The following ERG variants were observed in gnomAD, a reference collection of about 807,000 sequenced individuals.
The protein encoded by ERG is ETS transcription factor ERG, also known as transcriptional regulator ERG.
A neutral mutation model predicts 55.3 loss-of-function variants in ERG; 9 were observed. That is an observed-to-expected ratio of 0.16 (90% CI 0.10 to 0.28). ERG has a LOEUF of 0.28. Ranked by LOEUF, ERG falls within the 10% of genes least tolerant of loss-of-function variation. The pLI, the probability that ERG is intolerant of heterozygous loss-of-function variation, is 1.00. For missense variants in ERG, 434 were observed against 631.6 expected (o/e 0.69, Z 3.35); for synonymous variants, 223 against 237.3 (o/e 0.94, Z 0.55).
intron 1 of ERG, among the ~76,000 whole-genome samples, chr21:38,657,615 C>G (rs1212302562): frequency 1.3e-5 from 2 of 152,030 alleles, no homozygotes; most frequent in Non-Finnish European, 2.9e-5. Flanking sequence ...TTAACTTTAA[C>G]TTTTAACTTT....
intron 9 of ERG, among the ~76,000 whole-genome samples, chr21:38,388,046 C>G (rs1307192088): frequency 1.3e-5 from 2 of 152,212 alleles, no homozygotes; most frequent in Admixed American, 1.3e-4. Flanking sequence ...CTGGGGGACT[C>G]CCACTGGAAG....
intron 1 of ERG, chr21:38,660,778 C>T (rs1287786551): frequency 6.6e-6 from 1 of 151,640 alleles, no homozygotes; most frequent in Non-Finnish European, 1.5e-5. Flanking sequence ...GGGGGCGGGG[C>T]AGGGACGCGT....
chr21:38,518,362 A>G (rs182391415), intron 2 of ERG, among the ~76,000 whole-genome samples: 6 of 152,242 alleles, frequency 3.9e-5, no homozygotes, highest in Admixed American at 3.9e-4. Context: ...TCTACTAAAC[A>G]TTTTTATAAA....
intron 2 of ERG, among the ~76,000 whole-genome samples, chr21:38,540,045 C>T (rs1298675236): frequency 1.3e-5 from 2 of 151,866 alleles, no homozygotes; most frequent in African/African-American, 4.8e-5. Context: ...TACAGGCACA[C>T]ACCACCACGC....
chr21:38,455,811 G>A (rs921411878), intron 1 of ERG, among the ~76,000 whole-genome samples: 2 of 151,826 alleles, frequency 1.3e-5, no homozygotes, highest in African/African-American at 2.4e-5. Flanking sequence ...CCCATAAGAC[G>A]GGGGTGAGGG....
intron 1 of ERG, among the ~76,000 whole-genome samples, chr21:38,635,937 AC>A (rs1280128816): frequency 6.6e-6 from 1 of 152,160 alleles, no homozygotes; most frequent in African/African-American, 2.4e-5. Flanking sequence ...ATTTTCCCAT[AC>A]AAGATGATAT....
At chr21:38,652,695 A>G (rs2060495290) in intron 1 of ERG, among the ~76,000 whole-genome samples, 2 of 152,172 alleles carry the variant, frequency 1.3e-5, no homozygotes, top group South Asian at 4.1e-4. Flanking sequence ...AGAAAGAAGG[A>G]CCTGTGTGAT....
At chr21:38,549,267 T>C (rs1042054186) in intron 2 of ERG, among the ~76,000 whole-genome samples, 43 of 152,172 alleles carry the variant, frequency 2.8e-4, no homozygotes, top group Non-Finnish European at 1.2e-4. Flanking sequence ...TAAATCATCA[T>C]ACTAAAGGCA....
intron 1 of ERG, among the ~76,000 whole-genome samples, chr21:38,602,457 A>G (rs1402174541): frequency 6.6e-6 from 1 of 152,006 alleles, no homozygotes; most frequent in Non-Finnish European, 1.5e-5. Flanking sequence ...AAATAAATAA[A>G]TACATAAATA....
At chr21:38,441,282 T>C (rs2058838762) in intron 2 of ERG, among the ~76,000 whole-genome samples, 2 of 152,220 alleles carry the variant, frequency 1.3e-5, no homozygotes, top group Non-Finnish European at 2.9e-5. Context: ...TAACTGAGGT[T>C]GTACTGGGAA....
chr21:38,514,628 AG>A (rs531908677), intron 2 of ERG, among the ~76,000 whole-genome samples: 210 of 152,122 alleles, frequency 1.4e-3, no homozygotes, highest in Non-Finnish European at 2.4e-3. Context: ...CGAAACCTAC[AG>A]TAAACCACAC....
At chr21:38,402,426 C>A (rs2836372) in intron 5 of ERG, 131 bp downstream of exon 5, 2 of 669,316 alleles carry the variant, frequency 3.0e-6, no homozygotes, top group African/African-American at 1.9e-5. Flanking sequence ...CCTAAGTATC[C>A]GAAAGTATTC....
intron 9 of ERG, among the ~76,000 whole-genome samples, chr21:38,388,838 C>T (rs540966040): frequency 5.9e-5 from 9 of 152,292 alleles, no homozygotes; most frequent in South Asian, 2.1e-4. Flanking sequence ...AGGGCATCCC[C>T]GGGCTGCTGG....
chr21:38,487,369 G>A (rs2059296266), intron 1 of ERG, among the ~76,000 whole-genome samples: 1 of 151,628 alleles, frequency 6.6e-6, no homozygotes, highest in Non-Finnish European at 1.5e-5. Flanking sequence ...TTTCAAATGG[G>A]GAAAAAGAAC....
chr21:38,570,163 G>T (rs62217462), intron 2 of ERG, among the ~76,000 whole-genome samples: 1 of 152,056 alleles, frequency 6.6e-6, no homozygotes, highest in African/African-American at 2.4e-5. Flanking sequence ...TCATGCTCCT[G>T]CCAGCATGGA....
chr21:38,495,929 A>G (rs2059375588), intron 1 of ERG, among the ~76,000 whole-genome samples: 1 of 152,214 alleles, frequency 6.6e-6, no homozygotes, highest in Admixed American at 6.5e-5. Flanking sequence ...GGGAAGCACC[A>G]AAACCAATCA....
intron 2 of ERG, among the ~76,000 whole-genome samples, chr21:38,508,952 C>T (rs1170308171): frequency 6.6e-6 from 1 of 152,168 alleles, no homozygotes; most frequent in East Asian, 1.9e-4. Flanking sequence ...AAAGCCCAAG[C>T]CATGTGACGA....
chr21:38,531,557 A>G (rs1356881283), intron 2 of ERG, among the ~76,000 whole-genome samples: 1 of 152,222 alleles, frequency 6.6e-6, no homozygotes, highest in Non-Finnish European at 1.5e-5. Context: ...TTAAAAAAAA[A>G]TAAGATGCCA....
chr21:38,525,652 G>A (rs924580752), intron 2 of ERG, among the ~76,000 whole-genome samples: 9 of 152,284 alleles, frequency 5.9e-5, no homozygotes, highest in African/African-American at 1.7e-4. Flanking sequence ...ATGCTGTTAC[G>A]TGACTTCAAC....
Sources: gnomAD v4.1 joint callset for allele counts (sites outside exome capture counted in the v4.1 genomes callset) on GRCh38, gnomAD v4.1.1 for gene constraint, MANE v1.5 for transcripts, NCBI Gene and HGNC (gene_info 2026-07-23, HGNC 2026-07-21) for gene names.